The following ADGRB3 variants were observed in gnomAD, a reference collection of about 807,000 sequenced individuals.
The protein encoded by ADGRB3 is adhesion G protein-coupled receptor B3.
ADGRB3 carries 37 observed loss-of-function variants against 193.4 expected under a neutral mutation model. The observed-to-expected ratio is 0.19, with a 90% CI of 0.15 to 0.25. The LOEUF (loss-of-function observed/expected upper bound fraction) is 0.25, where lower values mean the gene tolerates loss of function less well. Among genes scored for constraint, ADGRB3 ranks in the 10% least tolerant of loss-of-function variants. The pLI, the probability that ADGRB3 is intolerant of heterozygous loss-of-function variation, is 1.00. For synonymous variants in ADGRB3, 690 were observed against 644.2 expected, an observed-to-expected ratio of 1.07 and a Z score of -1.08; for missense variants, 1,637 against 1,852.9, an observed-to-expected ratio of 0.88 and a Z score of 2.14.
intron 13 of ADGRB3, among the ~76,000 whole-genome samples, chr6:69,040,385 C>CTCTT (rs10630804): frequency 0.56 from 68,092 of 120,942 alleles, 21,106 homozygotes; most frequent in African/African-American, 0.63. Flanking sequence ...TTCCTTCTCT[C>CTCTT]TCTTTCTTTC....
chr6:68,671,320 C>G (rs997401627), intron 3 of ADGRB3, among the ~76,000 whole-genome samples: 1 of 151,898 alleles, frequency 6.6e-6, no homozygotes, highest in Non-Finnish European at 1.5e-5. Flanking sequence ...AGTGGGAAAC[C>G]TTGTTGTTTT....
intron 3 of ADGRB3, among the ~76,000 whole-genome samples, chr6:68,687,388 CA>C: frequency 6.6e-6 from 1 of 152,042 alleles, no homozygotes; most frequent in Non-Finnish European, 1.5e-5. Flanking sequence ...CATGGATTTG[CA>C]ATGTTTTTGC....
chr6:69,062,997 C>A lies in ADGRB3; in HGVS notation c.2397C>A (p.Thr799=), dbSNP rs200795351. Reference sequence around the variant, plus strand: ...CAATAAGGCCTGAACCCAAAACAACCGATTCGTTTCTGGAGATAGAACTAG... The same window carrying A: ...CAATAAGGCCTGAACCCAAAACAACAGATTCGTTTCTGGAGATAGAACTAG... The part of the protein sequence containing the change: ...VVTIRPEPKT[T]DSFLEIELAH... The change falls in exon 16 of 32, where the codon ACC becomes ACA. Residue 799 remains threonine (T), a synonymous_variant. Coordinates refer to ENST00000370598, the MANE Select transcript of ADGRB3 (RefSeq NM_001704.3). 98 of 1,612,162 alleles carry A rather than the reference C, an allele frequency of 6.1e-5. No individual in the cohort carries two copies. The South Asian group carries it at 9.9e-4, about 16-fold the overall frequency.
At chr6:69,106,758 G>A (rs1409537807) in intron 17 of ADGRB3, among the ~76,000 whole-genome samples, 1 of 152,200 alleles carries the variant, frequency 6.6e-6, no homozygotes, top group Non-Finnish European at 1.5e-5. Context: ...GCAGTATTTG[G>A]TAATGTAGAA....
At chr6:69,006,905 C>G (rs1354103051) in intron 11 of ADGRB3, among the ~76,000 whole-genome samples, 2 of 152,070 alleles carry the variant, frequency 1.3e-5, no homozygotes, top group Non-Finnish European at 2.9e-5. Flanking sequence ...TCATCCCACT[C>G]AGCTCTAGTC....
intron 3 of ADGRB3, among the ~76,000 whole-genome samples, chr6:68,814,481 T>C (rs801262): frequency 0.088 from 13,393 of 152,232 alleles, 679 homozygotes; most frequent in African/African-American, 0.13. Flanking sequence ...GCAAAAAGTT[T>C]CTCCCATTCT....
intron 3 of ADGRB3, among the ~76,000 whole-genome samples, chr6:68,722,027 T>C (rs1410841568): frequency 1.3e-5 from 2 of 151,750 alleles, no homozygotes; most frequent in African/African-American, 4.8e-5. Context: ...TACAGTTGTG[T>C]CTACATTATT....
chr6:68,936,434 C>A, intron 4 of ADGRB3, 85 bp from the exon 5 acceptor site: 2 of 1,263,984 alleles, frequency 1.6e-6, no homozygotes, highest in Non-Finnish European at 2.2e-6. Context: ...ATTATTCTTG[C>A]ATGTCATAAT....
chr6:68,857,813 C>G (rs1341356707), intron 3 of ADGRB3, among the ~76,000 whole-genome samples: 1 of 152,000 alleles, frequency 6.6e-6, no homozygotes, highest in Non-Finnish European at 1.5e-5. Flanking sequence ...ACTCTGTGTC[C>G]CCACCCAAAT....
chr6:69,126,232 CACATACATACATACAT>C (rs780448849), intron 17 of ADGRB3, among the ~76,000 whole-genome samples: 8 of 138,370 alleles, frequency 5.8e-5, no homozygotes, highest in African/African-American at 1.5e-4. Flanking sequence ...AATAGATACA[CACATACATACATACAT>C]ACATACATAC....
intron 17 of ADGRB3, among the ~76,000 whole-genome samples, chr6:69,144,328 C>G (rs1774421321): frequency 6.6e-6 from 1 of 152,020 alleles, no homozygotes; most frequent in Non-Finnish European, 1.5e-5. Flanking sequence ...TAGTTTTTCC[C>G]AAATATAAGA....
At chr6:68,842,464 T>C (rs907024486) in intron 3 of ADGRB3, among the ~76,000 whole-genome samples, 3 of 151,836 alleles carry the variant, frequency 2.0e-5, no homozygotes, top group Admixed American at 6.6e-5. Context: ...CCTATCAAAA[T>C]TGAAATATGA....
At chr6:68,762,581 T>A (rs1425094631) in intron 3 of ADGRB3, among the ~76,000 whole-genome samples, 1 of 151,076 alleles carries the variant, frequency 6.6e-6, no homozygotes, top group Admixed American at 6.6e-5. Flanking sequence ...AAATTAATTA[T>A]TTGAAAAGGT....
At chr6:69,298,744 C>T (rs1012395840) in intron 20 of ADGRB3, among the ~76,000 whole-genome samples, 16 of 151,926 alleles carry the variant, frequency 1.1e-4, no homozygotes, top group Non-Finnish European at 1.5e-4. Context: ...GATCATATTC[C>T]ATTTTGTATT....
chr6:68,959,510 C>A (rs972301397), intron 8 of ADGRB3, among the ~76,000 whole-genome samples: 1 of 151,844 alleles, frequency 6.6e-6, no homozygotes, highest in African/African-American at 2.4e-5. Flanking sequence ...TACTAAGAGG[C>A]CTTTTGTTGT....
At chr6:68,786,443 T>C (rs1169180866) in intron 3 of ADGRB3, among the ~76,000 whole-genome samples, 2 of 152,204 alleles carry the variant, frequency 1.3e-5, no homozygotes, top group Non-Finnish European at 2.9e-5. Context: ...TTGTCAGGTT[T>C]GTCAAAGATC....
At chr6:69,287,212 C>T (rs1010209680) in intron 20 of ADGRB3, among the ~76,000 whole-genome samples, 1 of 152,118 alleles carries the variant, frequency 6.6e-6, no homozygotes, top group Non-Finnish European at 1.5e-5. Flanking sequence ...GTTTATGCCA[C>T]TTGTGTTCAA....
At chr6:68,895,937 G>A (rs1369890864) in intron 3 of ADGRB3, among the ~76,000 whole-genome samples, 1 of 152,008 alleles carries the variant, frequency 6.6e-6, no homozygotes, top group Non-Finnish European at 1.5e-5. Flanking sequence ...TAAAAATATG[G>A]AGTAGAGAGT....
intron 3 of ADGRB3, among the ~76,000 whole-genome samples, chr6:68,702,652 C>G (rs1177192773): frequency 6.6e-6 from 1 of 152,076 alleles, no homozygotes; most frequent in Non-Finnish European, 1.5e-5. Context: ...ACTCAGCACT[C>G]TAATTATTTT....
Sources: gnomAD v4.1 joint callset for allele counts (sites outside exome capture counted in the v4.1 genomes callset) on GRCh38, gnomAD v4.1.1 for gene constraint, MANE v1.5 for transcripts, NCBI Gene and HGNC (gene_info 2026-07-23, HGNC 2026-07-21) for gene names.